Variants in LGSN observed in about 807,000 individuals in gnomAD.
LGSN encodes the protein lengsin.
In LGSN, 21 loss-of-function variants were observed where a neutral mutation model predicts 19.5. That is an observed-to-expected ratio of 1.07 (90% CI 0.76 to 1.55). The LOEUF is 1.55. Among genes scored for constraint, LGSN ranks in the 40% most tolerant of loss-of-function variants. LGSN has a pLI of 0.00. For synonymous variants in LGSN, 257 were observed against 215.6 expected, an observed-to-expected ratio of 1.19 and a Z score of -1.68; for missense variants, 673 against 608.5, an observed-to-expected ratio of 1.11 and a Z score of -1.12.
the LGSN span, among the ~76,000 whole-genome samples, chr6:63,539,851 T>G: frequency 6.6e-6 from 1 of 152,178 alleles, no homozygotes; most frequent in African/African-American, 2.4e-5. Flanking sequence ...GAAGATATGT[T>G]TAAACTTAAT....
the LGSN span, among the ~76,000 whole-genome samples, chr6:63,377,929 A>G: frequency 2.6e-4 from 37 of 144,314 alleles, no homozygotes; most frequent in South Asian, 4.3e-4. Context: ...AAAAAAAAAA[A>G]AAAAAAGAAA....
the LGSN span, among the ~76,000 whole-genome samples, chr6:63,374,839 G>A: frequency 6.6e-6 from 1 of 152,018 alleles, no homozygotes; most frequent in Non-Finnish European, 1.5e-5. Flanking sequence ...CCTAGCTCAG[G>A]TATTACATGT....
the LGSN span, among the ~76,000 whole-genome samples, chr6:63,553,678 G>T: frequency 6.6e-6 from 1 of 152,296 alleles, no homozygotes; most frequent in East Asian, 1.9e-4. Context: ...CACTGATTAG[G>T]TTGGGGGAAT....
chr6:63,298,995 T>G (rs1381254927), intron 1 of LGSN, among the ~76,000 whole-genome samples: 3 of 152,220 alleles, frequency 2.0e-5, no homozygotes, highest in Non-Finnish European at 4.4e-5. Context: ...GAGAATTATA[T>G]AAAGTGTTCA....
chr6:63,544,950 A>G, the LGSN span, among the ~76,000 whole-genome samples: 2 of 152,180 alleles, frequency 1.3e-5, no homozygotes, highest in Non-Finnish European at 2.9e-5. Flanking sequence ...TAAATACCAT[A>G]TTGCATATCA....
At chr6:63,297,737 T>C (rs1768032915) in intron 1 of LGSN, among the ~76,000 whole-genome samples, 1 of 152,194 alleles carries the variant, frequency 6.6e-6, no homozygotes, top group Admixed American at 6.5e-5. Flanking sequence ...GACATTCTCA[T>C]CTGTAAACAC....
chr6:63,559,185 C>T, the LGSN span, among the ~76,000 whole-genome samples: 1 of 152,104 alleles, frequency 6.6e-6, no homozygotes, highest in African/African-American at 2.4e-5. Context: ...AAATAACATG[C>T]TAATGAGGAA....
intron 1 of LGSN, among the ~76,000 whole-genome samples, chr6:63,298,953 G>T (rs556865907): frequency 1.3e-5 from 2 of 152,248 alleles, no homozygotes; most frequent in South Asian, 4.2e-4. Context: ...TAATCTTTTG[G>T]CTTAGTTACT....
chr6:63,510,448 CTTTCT>C, the LGSN span, among the ~76,000 whole-genome samples: 1 of 134,308 alleles, frequency 7.4e-6, no homozygotes, highest in African/African-American at 3.0e-5. Context: ...GTTTGACTAC[CTTTCT>C]TTTTTTTTTT....
the LGSN span, among the ~76,000 whole-genome samples, chr6:63,526,831 A>ATATT: frequency 3.8e-5 from 5 of 132,354 alleles, no homozygotes; most frequent in African/African-American, 1.5e-4. Context: ...ATATATATAT[A>ATATT]TATATTTATT....
chr6:63,526,336 A>C, the LGSN span, among the ~76,000 whole-genome samples: 1 of 151,884 alleles, frequency 6.6e-6, no homozygotes, highest in Non-Finnish European at 1.5e-5. Context: ...AAATAAATAA[A>C]TAAATAAAAG....
rs1767285852 is a variant in LGSN at position 63,280,981 on chromosome 6, C to T, written c.570G>A (p.Arg190=). 6.2e-7 allele frequency: 1 copy of T among 1,614,088 alleles called. No individual in the cohort carries two copies. Among genetic ancestry groups the T allele is most frequent in the East Asian group, 2.2e-5 (1 of 44,880 alleles). The change falls in exon 4 of 4, where the codon AGG becomes AGA. Residue 190 remains arginine, a synonymous_variant. Coordinates refer to ENST00000370657, the MANE Select transcript of LGSN (RefSeq NM_016571.3). ...LLTSPRYIAK[R]QLSHLQASGF... ...CAGAGGCCTGCAGATGGCTCAGCTG[C>T]CTCTTTGCAATGTACCTTGGGGAAG... is the stretch of plus-strand genomic sequence containing the variant.
At chr6:63,439,836 C>G in the LGSN span, among the ~76,000 whole-genome samples, 1 of 152,186 alleles carries the variant, frequency 6.6e-6, no homozygotes, top group African/African-American at 2.4e-5. Context: ...GATATCGAAC[C>G]TTCTCTCTAT....
chr6:63,286,853 T>A lies in LGSN; in HGVS notation c.164-1100A>T, dbSNP rs1251810161. Among the ~76,000 whole-genome samples, 3 of 152,210 alleles carry A rather than the reference T, an allele frequency of 2.0e-5. No homozygotes were observed. In the East Asian group the frequency reaches 5.8e-4, roughly 29 times the overall value. ...CATCAATAACATATGACCTACTTCA[T>A]AGGCTTGTTATGAGGATTAACAAGT... On this transcript the variant is annotated intron_variant, in intron 2 of 3. Transcript: ENST00000370657.
the LGSN span, among the ~76,000 whole-genome samples, chr6:63,460,100 C>CTTTTTTTTTTTTTTT: frequency 9.8e-4 from 55 of 56,134 alleles, no homozygotes; most frequent in East Asian, 1.6e-3. Flanking sequence ...ATTTCATTCC[C>CTTTTTTTTTTTTTTT]TTTTTTTTTT....
the LGSN span, among the ~76,000 whole-genome samples, chr6:63,520,105 A>C: frequency 6.6e-6 from 1 of 152,118 alleles, no homozygotes; most frequent in Non-Finnish European, 1.5e-5. Flanking sequence ...ACAAAAACTA[A>C]CCACTGGATC....
the LGSN span, chr6:63,443,567 C>T: frequency 1.7e-5 from 18 of 1,044,620 alleles, no homozygotes; most frequent in East Asian, 7.9e-5. Context: ...TCCTCCAGAC[C>T]GACTCTCAGC....
At chr6:63,440,836 T>G in the LGSN span, 2 of 173,722 alleles carry the variant, frequency 1.2e-5, no homozygotes, top group African/African-American at 4.7e-5. Flanking sequence ...GACCTGAGCC[T>G]CAGCAACCTG....
At chr6:63,396,264 A>C in the LGSN span, 1 of 171,290 alleles carries the variant, frequency 5.8e-6, no homozygotes, top group East Asian at 1.9e-4. Flanking sequence ...GGGAAGAGGC[A>C]GGGTTTCCAC....
Sources: gnomAD v4.1 joint callset for allele counts (sites outside exome capture counted in the v4.1 genomes callset) on GRCh38, gnomAD v4.1.1 for gene constraint, MANE v1.5 for transcripts, NCBI Gene and HGNC (gene_info 2026-07-23, HGNC 2026-07-21) for gene names.